The following SPA17 variants were observed in gnomAD, a reference collection of about 807,000 sequenced individuals.
SPA17 encodes sperm autoantigenic protein 17, also known as sperm surface protein Sp17.
A neutral mutation model predicts 13.8 loss-of-function variants in SPA17; 7 were observed. The ratio of observed to expected loss-of-function variants is 0.51; its 90% CI spans 0.29 to 0.95. The LOEUF (loss-of-function observed/expected upper bound fraction) is 0.95. Among genes scored for constraint, SPA17 ranks in the 40% least tolerant of loss-of-function variants. The pLI is 0.08. For synonymous variants in SPA17, 61 were observed against 59.0 expected (o/e 1.03, Z -0.16); for missense variants, 170 against 179.3 (o/e 0.95, Z 0.30).
intron 4 of SPA17, among the ~76,000 whole-genome samples, chr11:124,692,361 A>G (rs1219567109): frequency 6.6e-6 from 1 of 152,090 alleles, no homozygotes; most frequent in African/African-American, 2.4e-5. Flanking sequence ...CAGGCAGATC[A>G]CGAGGTCAGG....
intron 3 of SPA17, among the ~76,000 whole-genome samples, chr11:124,685,163 A>G (rs1943566232): frequency 6.6e-6 from 1 of 152,202 alleles, no homozygotes; most frequent in Admixed American, 6.5e-5. Context: ...CATAGGAGGG[A>G]AAAATGGTTT....
chr11:124,689,732 T>C (rs1029037274), intron 3 of SPA17, among the ~76,000 whole-genome samples: 3 of 150,308 alleles, frequency 2.0e-5, no homozygotes, highest in Middle Eastern at 3.2e-3. Context: ...CACTCCAGCC[T>C]GGGCAACAGA....
rs772095553 is a variant in SPA17, at chr11:124,675,359, C to T, written c.95C>T (p.Pro32Leu). 2.5e-6 allele frequency: 4 copies of T among 1,614,144 alleles called. No individual in the cohort carries two copies. Among genetic ancestry groups the T allele is most frequent in the Admixed American group, 1.7e-5 (1 of 60,022 alleles). The stretch of plus-strand genomic sequence containing the variant: ...ACACGCGAGATTCTGAGAGAGCAAC[C>T]GGACAATATACCAGCTTTTGCAGCA... ...GLTREILREQ[P>L]DNIPAFAAAY... The change falls in exon 2 of 5, where the codon CCG becomes CTG. Residue 32 changes from proline to leucine, a missense_variant. Coordinates refer to ENST00000227135, the MANE Select transcript of SPA17 (RefSeq NM_017425.4).
In SPA17 at chr11:124,695,408, C is replaced by G. The variant is rs547888445; in HGVS notation, c.*962C>G. On this transcript the variant is annotated 3_prime_UTR_variant, in exon 5 of 5. Coordinates refer to ENST00000227135, the MANE Select transcript of SPA17 (RefSeq NM_017425.4). ...GTTTTTAAATATACAATGGTAATGC[C>G]TGTTTAACAAACTCAGAGGCTTTAT... is the stretch of plus-strand genomic sequence containing the variant. 9.2e-5 allele frequency: 14 copies of G among 152,288 alleles called. No homozygotes were observed. Among genetic ancestry groups the G allele is most frequent in the East Asian group, 5.8e-4 (3 of 5,190 alleles). 9.4% of individuals were successfully genotyped at this position (152,288 alleles called of 1,614,324 possible).
At position 124,694,359 on chromosome 11, in the gene SPA17, T is replaced by A; in HGVS notation, c.369T>A (p.Ala123=). ...KEEVAAVKIQ[A]AFRGHIAREE... ...AGGTTGCTGCTGTCAAAATCCAAGC[T>A]GCCTTCCGGGGACACATAGCCAGAG... The change falls in exon 5 of 5, where the codon GCT becomes GCA. Residue 123 remains alanine, a synonymous_variant. Transcript: ENST00000227135. 3 of 1,614,014 alleles carry A rather than the reference T, an allele frequency of 1.9e-6. No homozygotes were observed. The highest frequency in any genetic ancestry group is 2.5e-6 in the Non-Finnish European group (3 of 1,179,978).
chr11:124,688,881 G>C (rs998821727), intron 3 of SPA17, among the ~76,000 whole-genome samples: 2 of 152,182 alleles, frequency 1.3e-5, no homozygotes, highest in South Asian at 4.1e-4. Context: ...GTTACTTTTA[G>C]TGGAAAAGAC....
intron 2 of SPA17, among the ~76,000 whole-genome samples, chr11:124,680,910 GA>G (rs1017813656): frequency 2.0e-5 from 3 of 151,640 alleles, no homozygotes; most frequent in Non-Finnish European, 4.4e-5. Flanking sequence ...TAAAGTTAAA[GA>G]AAAAAATTGT....
intron 3 of SPA17, among the ~76,000 whole-genome samples, chr11:124,687,961 A>G (rs759697124): frequency 6.6e-6 from 1 of 152,176 alleles, no homozygotes; most frequent in African/African-American, 2.4e-5. Flanking sequence ...GAAAGAAATA[A>G]AAAGCATCCA....
In SPA17 at chr11:124,681,433, C is replaced by A; in HGVS notation, c.199C>A (p.Arg67Ser). Residue 67 changes from arginine to serine, a missense_variant, in exon 3 of 5, where the codon CGC becomes AGC. Arg to Ser is a moderately radical substitution (Grantham distance 110). Transcript: ENST00000227135. ...PAEWGSKVED[R>S]FYNNHAFEEQ... The stretch of plus-strand genomic sequence containing the variant: ...AGAATGGGGGAGTAAGGTAGAAGAC[C>A]GCTTCTATAACAATCATGCATTCGA... 2 of 1,585,656 alleles carry A rather than the reference C, an allele frequency of 1.3e-6. No individual in the cohort carries two copies. The highest frequency in any genetic ancestry group is 1.7e-6 in the Non-Finnish European group (2 of 1,163,656).
At chr11:124,686,957 A>G (rs1180210179) in intron 3 of SPA17, among the ~76,000 whole-genome samples, 1 of 152,206 alleles carries the variant, frequency 6.6e-6, no homozygotes, top group East Asian at 1.9e-4. Context: ...ACTAAATTAA[A>G]TAGAGACTAA....
At chr11:124,676,862 A>G (rs971433970) in intron 2 of SPA17, among the ~76,000 whole-genome samples, 4 of 152,212 alleles carry the variant, frequency 2.6e-5, no homozygotes, top group Non-Finnish European at 5.9e-5. Context: ...ACCATGTAAC[A>G]AATCTGCACG....
rs60962125 is a variant in SPA17, at chr11:124,696,480, T to TACACACACACAC, written c.*2044_*2055dup. On this transcript the variant is annotated 3_prime_UTR_variant, in exon 5 of 5. Coordinates refer to ENST00000227135, the MANE Select transcript of SPA17 (RefSeq NM_017425.4). Reference sequence around the variant, plus strand: ...AAAGTGACTAGCACTATGCATTCCATACACACACACACACACACACAGATC... The same window carrying TACACACACACAC: ...AAAGTGACTAGCACTATGCATTCCATACACACACACACACACACACACACACACACACAGATC... 7.4e-5 allele frequency: 11 copies of TACACACACACAC among 149,118 alleles called. 1 individual carries two copies. The highest frequency in any genetic ancestry group is 2.4e-4 in the African/African-American group (10 of 40,854). 9.2% of individuals were successfully genotyped at this position (149,118 alleles called of 1,614,324 possible).
At chr11:124,678,678 T>C (rs1379501177) in intron 2 of SPA17, among the ~76,000 whole-genome samples, 1 of 151,990 alleles carries the variant, frequency 6.6e-6, no homozygotes, top group Non-Finnish European at 1.5e-5. Context: ...TCCCAAGTAG[T>C]TGGGAACTAC....
chr11:124,693,659 A>G (rs145287570), intron 4 of SPA17, among the ~76,000 whole-genome samples: 2,043 of 152,298 alleles, frequency 0.013, 27 homozygotes, highest in Non-Finnish European at 0.02. Flanking sequence ...TGTCATTTCT[A>G]TAATTTTAAA....
chr11:124,675,213 A>G (rs2134403632), intron 1 of SPA17, 25 bp from the exon 2 acceptor site: 1 of 1,575,642 alleles, frequency 6.3e-7, no homozygotes, highest in Non-Finnish European at 8.6e-7. Context: ...AAATTTAAAG[A>G]CAGTACTCTT....
intron 2 of SPA17, among the ~76,000 whole-genome samples, chr11:124,680,518 C>G (rs1204988205): frequency 6.6e-6 from 1 of 152,106 alleles, no homozygotes; most frequent in East Asian, 1.9e-4. Flanking sequence ...AAAAGACATA[C>G]AAAGAGCTGT....
Position 124,682,660 on chromosome 11 carries a change from A to C in SPA17, c.225+1201A>C, listed in dbSNP as rs189740141. 3.7e-4 allele frequency among the ~76,000 whole-genome samples: 57 copies of C among 152,292 alleles called. No homozygotes were observed. The East Asian group carries it at 9.8e-3, about 26-fold the overall frequency. ...CTAAGTGGAACAAAAAAATTTTAGA[A>C]CTTGAATACAGGTCTGAAACAATCC... On this transcript the variant is annotated intron_variant, in intron 3 of 4. Transcript: ENST00000227135.
chr11:124,675,532 T>C (rs1943451459), intron 2 of SPA17, 114 bp downstream of exon 2: 4 of 1,135,374 alleles, frequency 3.5e-6, no homozygotes, highest in Non-Finnish European at 4.9e-6. Context: ...AGGCAGGGAG[T>C]TTCAGATAAC....
chr11:124,684,845 C>A (rs1045772466), intron 3 of SPA17, among the ~76,000 whole-genome samples: 1 of 152,170 alleles, frequency 6.6e-6, no homozygotes, highest in African/African-American at 2.4e-5. Context: ...AAGAAACTGG[C>A]AGCATTTTGC....
Sources: gnomAD v4.1 joint callset for allele counts (sites outside exome capture counted in the v4.1 genomes callset) on GRCh38, gnomAD v4.1.1 for gene constraint, MANE v1.5 for transcripts, NCBI Gene and HGNC (gene_info 2026-07-23, HGNC 2026-07-21) for gene names.